The following SLC36A1 variants were observed in gnomAD, a reference collection of about 807,000 sequenced individuals.
The protein encoded by SLC36A1 is proton-coupled amino acid transporter 1.
In SLC36A1, 30 loss-of-function variants were observed where a neutral mutation model predicts 47.5. That is an observed-to-expected ratio of 0.63 (90% CI 0.47 to 0.86). The LOEUF (loss-of-function observed/expected upper bound fraction) is 0.86. Among genes scored for constraint, SLC36A1 ranks in the 40% least tolerant of loss-of-function variants. SLC36A1 has a pLI of 0.00. For missense variants in SLC36A1, 517 were observed against 606.0 expected (o/e 0.85, Z 1.54); for synonymous variants, 255 against 249.7 (o/e 1.02, Z -0.20).
At chr5:151,467,989 C>A in intron 7 of SLC36A1, 64 bp downstream of exon 7, 1 of 1,415,792 alleles carries the variant, frequency 7.1e-7, no homozygotes, top group Non-Finnish European at 9.9e-7. Flanking sequence ...GGCGTGGTAG[C>A]TCATGCCTGT....
At chr5:151,386,025 C>A in the SLC36A1 span, among the ~76,000 whole-genome samples, 2 of 151,992 alleles carry the variant, frequency 1.3e-5, no homozygotes, top group Non-Finnish European at 2.9e-5. Flanking sequence ...GCGCCCGCCA[C>A]CACGTCTCGC....
At chr5:151,415,149 T>C in the SLC36A1 span, among the ~76,000 whole-genome samples, 1 of 152,306 alleles carries the variant, frequency 6.6e-6, no homozygotes, top group South Asian at 2.1e-4. Context: ...TGCTTGGTCT[T>C]GGCTGTCCCT....
the SLC36A1 span, among the ~76,000 whole-genome samples, chr5:151,383,988 A>G: frequency 1.3e-5 from 2 of 152,152 alleles, no homozygotes; most frequent in African/African-American, 2.4e-5. Context: ...GTAGTGGAAA[A>G]TGATACATAT....
rs1036526347 is a variant in SLC36A1, at chr5:151,489,274, A to T, written c.*1020A>T. The stretch of plus-strand genomic sequence containing the variant: ...GGGTGGCTGAGTGAGAGGCGTATAA[A>T]ATGGGGCTGTGTGCATGCAGGCCCA... On this transcript the variant is annotated 3_prime_UTR_variant, in exon 11 of 11. Transcript: ENST00000243389. This position sits in a 1 kb window ranked among gnomAD's most constrained non-coding sequence, Gnocchi z 4.5. The T allele has an allele frequency of 3.3e-5, 5 of 152,552 alleles. No homozygotes were observed. The highest frequency in any genetic ancestry group is 1.2e-4 in the African/African-American group (5 of 41,434). 9.4% of individuals were successfully genotyped at this position (152,552 alleles called of 1,614,324 possible).
At chr5:151,393,195 G>A in the SLC36A1 span, among the ~76,000 whole-genome samples, 2 of 151,816 alleles carry the variant, frequency 1.3e-5, no homozygotes, top group African/African-American at 4.8e-5. Flanking sequence ...TTGGTTTAAA[G>A]TCTGTTTTAT....
chr5:151,542,229 TC>T, the SLC36A1 span: 1 of 1,506,816 alleles, frequency 6.6e-7, no homozygotes, highest in Non-Finnish European at 8.9e-7. Flanking sequence ...GGGCACCTCT[TC>T]CTGGATGTTT....
chr5:151,419,756 A>G, the SLC36A1 span: 1 of 152,176 alleles, frequency 6.6e-6, no homozygotes, highest in Admixed American at 6.5e-5. Context: ...ACAACTCTTT[A>G]GGATATCTGA....
At chr5:151,533,337 A>G in the SLC36A1 span, among the ~76,000 whole-genome samples, 1,480 of 151,130 alleles carry the variant, frequency 9.8e-3, 12 homozygotes, top group Non-Finnish European at 0.015. Flanking sequence ...GATCTCTCCT[A>G]TCAAACCCAT....
At chr5:151,378,567 G>C in the SLC36A1 span, 2 of 211,610 alleles carry the variant, frequency 9.5e-6, no homozygotes, top group Admixed American at 8.7e-5. Flanking sequence ...AATCCCTGTC[G>C]AGTCAGCCAG....
chr5:151,471,938 G>A (rs1757365229), intron 7 of SLC36A1, among the ~76,000 whole-genome samples: 1 of 152,134 alleles, frequency 6.6e-6, no homozygotes, highest in Admixed American at 6.5e-5. Context: ...TACACATGTG[G>A]TTTAGAAAAC....
At chr5:151,394,788 C>T in the SLC36A1 span, among the ~76,000 whole-genome samples, 25 of 152,182 alleles carry the variant, frequency 1.6e-4, 1 homozygote, top group Non-Finnish European at 7.3e-5. Context: ...GGTACCCAGG[C>T]GTGTGAAGTG....
At chr5:151,480,341 G>T (rs1211650529) in intron 10 of SLC36A1, among the ~76,000 whole-genome samples, 1 of 151,988 alleles carries the variant, frequency 6.6e-6, no homozygotes, top group Admixed American at 6.6e-5. Context: ...TGCTTATTAT[G>T]TTGAGACTTC....
chr5:151,488,566 T>G lies in SLC36A1; in HGVS notation c.*312T>G. ...CCTGCCTCCCCTCTGCTGGTGCACCTCGCCCAACTCATTCTTACTGCACAG... is the reference window on the plus strand; with the variant it reads ...CCTGCCTCCCCTCTGCTGGTGCACCGCGCCCAACTCATTCTTACTGCACAG... On this transcript the variant is annotated 3_prime_UTR_variant, in exon 11 of 11. Coordinates refer to ENST00000243389, the MANE Select transcript of SLC36A1 (RefSeq NM_078483.4). 1 of 399,186 alleles carries G rather than the reference T, an allele frequency of 2.5e-6. No homozygotes were observed. 24.7% of individuals were successfully genotyped at this position (399,186 alleles called of 1,614,324 possible).
the SLC36A1 span, chr5:151,544,390 G>A: frequency 2.4e-5 from 39 of 1,614,046 alleles, no homozygotes; most frequent in Non-Finnish European, 3.0e-5. Flanking sequence ...AGCTGTATCC[G>A]TGGCTCTGAC....
the SLC36A1 span, among the ~76,000 whole-genome samples, chr5:151,351,559 G>A: frequency 6.6e-6 from 1 of 152,256 alleles, no homozygotes; most frequent in African/African-American, 2.4e-5. Context: ...CGGGAATGGG[G>A]TCTCTCACTT....
the SLC36A1 span, among the ~76,000 whole-genome samples, chr5:151,346,200 T>C: frequency 6.6e-6 from 1 of 152,090 alleles, no homozygotes; most frequent in Non-Finnish European, 1.5e-5. Context: ...ACTGAGAAAA[T>C]GCCTCTACTT....
intron 1 of SLC36A1, among the ~76,000 whole-genome samples, chr5:151,450,640 A>G (rs1301670019): frequency 6.6e-6 from 1 of 152,204 alleles, no homozygotes; most frequent in Non-Finnish European, 1.5e-5. Flanking sequence ...CTTTGTTTCT[A>G]TTTATAACCT....
At chr5:151,445,847 A>G (rs1314767192), upstream of SLC36A1, among the ~76,000 whole-genome samples, 1 of 151,714 alleles carries the variant, frequency 6.6e-6, no homozygotes, top group Non-Finnish European at 1.5e-5. Flanking sequence ...CTTCACTTTC[A>G]TTTTTTATTT....
chr5:151,381,526 G>C, the SLC36A1 span, among the ~76,000 whole-genome samples: 1 of 152,206 alleles, frequency 6.6e-6, no homozygotes, highest in African/African-American at 2.4e-5. Context: ...CTGGGGACTA[G>C]ACTAGCCACA....
Sources: allele counts gnomAD v4.1 joint callset (sites outside exome capture counted in the v4.1 genomes callset), GRCh38; gene constraint gnomAD v4.1.1; non-coding constraint Gnocchi (gnomAD v3.1); transcripts MANE v1.5; gene names NCBI Gene and HGNC (gene_info 2026-07-23, HGNC 2026-07-21).